The following RIMBP2 variants were observed in gnomAD, a reference collection of about 807,000 sequenced individuals.
The protein encoded by RIMBP2 is RIMS binding protein 2.
In RIMBP2, 48 loss-of-function variants were observed where a neutral mutation model predicts 118.6. The observed-to-expected ratio is 0.40, with a 90% CI of 0.32 to 0.51. The LOEUF is 0.51. Ranked by LOEUF, RIMBP2 falls within the 20% of genes least tolerant of loss-of-function variation. The pLI is 0.41. For synonymous variants in RIMBP2, 762 were observed against 742.9 expected, an observed-to-expected ratio of 1.03 and a Z score of -0.42; for missense variants, 1,551 against 1,768.3, an observed-to-expected ratio of 0.88 and a Z score of 2.20.
chr12:130,655,892 C>T (rs1195996224), intron 1 of RIMBP2, among the ~76,000 whole-genome samples: 1 of 152,190 alleles, frequency 6.6e-6, no homozygotes, highest in African/African-American at 2.4e-5. Context: ...CACCACGCAG[C>T]CCATGGCAGA....
At chr12:130,590,782 A>G (rs894565847) in intron 2 of RIMBP2, among the ~76,000 whole-genome samples, 20 of 152,216 alleles carry the variant, frequency 1.3e-4, no homozygotes, top group African/African-American at 4.8e-4. Context: ...AAAAACTGCC[A>G]GGAAAGCCCA....
Position 130,576,951 on chromosome 12 carries a change from G to A in RIMBP2, c.-217+51371C>T, listed in dbSNP as rs751035998. 6.6e-6 allele frequency among the ~76,000 whole-genome samples: 1 copy of A among 152,212 alleles called. No individual in the cohort carries two copies. On this transcript the variant is annotated intron_variant, in intron 2 of 22. Transcript: ENST00000690449. This position sits in a 1 kb window ranked among gnomAD's most constrained non-coding sequence, Gnocchi z 4.2. Reference sequence around the variant, plus strand: ...AGAGATGGGGACAAAGAGAAGCGAAGGGGATGGCCCAGACCTTCACAGAGG... The same window carrying A: ...AGAGATGGGGACAAAGAGAAGCGAAAGGGATGGCCCAGACCTTCACAGAGG...
chr12:130,677,978 C>T (rs2064578800), intron 1 of RIMBP2, among the ~76,000 whole-genome samples: 1 of 152,264 alleles, frequency 6.6e-6, no homozygotes, highest in Non-Finnish European at 1.5e-5. Context: ...CTCTCTGCAC[C>T]CACCGTGCTC....
intron 2 of RIMBP2, among the ~76,000 whole-genome samples, chr12:130,562,097 A>T (rs2056865391): frequency 6.6e-6 from 1 of 152,200 alleles, no homozygotes; most frequent in African/African-American, 2.4e-5. Context: ...ATCAATTTTT[A>T]AAGTTTAAGT....
chr12:130,552,757 T>C (rs1329445303), intron 2 of RIMBP2, among the ~76,000 whole-genome samples: 2 of 152,112 alleles, frequency 1.3e-5, no homozygotes, highest in Non-Finnish European at 2.9e-5. Flanking sequence ...AAAAGTGAGA[T>C]TGTGTACATC....
intron 11 of RIMBP2, among the ~76,000 whole-genome samples, chr12:130,440,846 G>A (rs1173492281): frequency 2.0e-5 from 3 of 152,188 alleles, no homozygotes; most frequent in South Asian, 2.1e-4. Context: ...CTGACCAAAG[G>A]TTTCATGAAT....
At chr12:130,715,694 G>T (rs910478875) in intron 1 of RIMBP2, among the ~76,000 whole-genome samples, 1 of 152,184 alleles carries the variant, frequency 6.6e-6, no homozygotes, top group African/African-American at 2.4e-5. Context: ...CAGCCTGCGG[G>T]CTTTGTGCAT....
intron 2 of RIMBP2, among the ~76,000 whole-genome samples, chr12:130,626,918 C>T (rs969882074): frequency 5.9e-5 from 9 of 151,868 alleles, no homozygotes; most frequent in Middle Eastern, 3.4e-3. Flanking sequence ...TTCTCCATCA[C>T]GACTACCGCC....
At chr12:130,538,753 T>G (rs2054295407) in intron 2 of RIMBP2, among the ~76,000 whole-genome samples, 1 of 152,168 alleles carries the variant, frequency 6.6e-6, no homozygotes, top group South Asian at 2.1e-4. Flanking sequence ...AAATACAGCC[T>G]GCTTCCCAAC....
chr12:130,580,408 A>T (rs2058389271), intron 2 of RIMBP2, among the ~76,000 whole-genome samples: 1 of 152,084 alleles, frequency 6.6e-6, no homozygotes, highest in Admixed American at 6.5e-5. Flanking sequence ...TCCCCTGCAC[A>T]AGTGCTCTTG....
chr12:130,708,390 A>G (rs1205606921), intron 1 of RIMBP2, among the ~76,000 whole-genome samples: 1 of 152,250 alleles, frequency 6.6e-6, no homozygotes, highest in Non-Finnish European at 1.5e-5. Flanking sequence ...GTTATATCTC[A>G]GTAAAGCAGT....
intron 4 of RIMBP2, among the ~76,000 whole-genome samples, chr12:130,496,104 G>T (rs1207642192): frequency 1.3e-5 from 2 of 152,146 alleles, no homozygotes; most frequent in Non-Finnish European, 2.9e-5. Flanking sequence ...GTTTGGCTGT[G>T]CCCCACCCAA....
chr12:130,627,150 G>A (rs1444054881), intron 2 of RIMBP2, among the ~76,000 whole-genome samples: 1 of 151,806 alleles, frequency 6.6e-6, no homozygotes, highest in Admixed American at 6.6e-5. Flanking sequence ...CCAGGACTAC[G>A]GCTAGCATCA....
At chr12:130,571,300 T>C (rs572620106) in intron 2 of RIMBP2, among the ~76,000 whole-genome samples, 2 of 152,200 alleles carry the variant, frequency 1.3e-5, no homozygotes, top group South Asian at 4.1e-4. Context: ...GGAACCACCC[T>C]GGCAGGTCTA....
rs1002786452 is a variant in RIMBP2, at chr12:130,447,776, T to A, written c.581+2424A>T. ...GGACCCAGGAGCCCTCAGCAAGGCG[T>A]TCCCCACGGCGGAGGCTGCACCAGA... On this transcript the variant is annotated intron_variant, in intron 9 of 22. Coordinates refer to ENST00000690449, the MANE Select transcript of RIMBP2 (RefSeq NM_001393629.1). This position sits in a 1 kb window ranked among gnomAD's most constrained non-coding sequence, Gnocchi z 4.4. 6.6e-6 allele frequency among the ~76,000 whole-genome samples: 1 copy of A among 152,134 alleles called. No homozygotes were observed. The highest frequency in any genetic ancestry group is 1.5e-5 in the Non-Finnish European group (1 of 68,022).
At chr12:130,480,777 T>G (rs1367084986) in intron 4 of RIMBP2, among the ~76,000 whole-genome samples, 2 of 152,148 alleles carry the variant, frequency 1.3e-5, no homozygotes, top group Non-Finnish European at 2.9e-5. Flanking sequence ...ATTTTTGTAT[T>G]TTTAGTAGAT....
At chr12:130,504,173 T>G (rs1245469957) in intron 4 of RIMBP2, among the ~76,000 whole-genome samples, 1 of 152,204 alleles carries the variant, frequency 6.6e-6, no homozygotes, top group Non-Finnish European at 1.5e-5. Flanking sequence ...CTACATCCCG[T>G]TCACAATTCA....
Position 130,442,108 on chromosome 12 carries a change from C to T in RIMBP2, c.1244G>A (p.Arg415Gln), listed in dbSNP as rs748532824. ...GGAGATCTGCGTGATGTTGTCCACC[C>T]GCAGGTGGGAGGGGGCCACCACCAC... ...KDVVVAPSHL[R>Q]VDNITQISAQ... Residue 415 changes from arginine to glutamine, a missense_variant, in exon 11 of 23, where the codon CGG becomes CAG. By Grantham distance (43) the Arg-to-Gln change is conservative (BLOSUM62 1). This residue lies in a region of RIMBP2 where 265 missense variants were observed against 349.5 expected (regional missense o/e 0.76). Transcript: ENST00000690449. The surrounding 1 kb of genome is among the most constrained non-coding windows in gnomAD (Gnocchi z 6.9). The T allele has an allele frequency of 1.4e-5, 23 of 1,614,008 alleles. No homozygotes were observed. Among genetic ancestry groups the T allele is most frequent in the Middle Eastern group, 3.3e-4 (2 of 6,084 alleles).
intron 1 of RIMBP2, among the ~76,000 whole-genome samples, chr12:130,700,183 AT>A (rs1468760490): frequency 6.6e-6 from 1 of 151,740 alleles, no homozygotes; most frequent in Non-Finnish European, 1.5e-5. Context: ...TTTTTAGTTT[AT>A]TTTCTCTCAA....
Sources: gnomAD v4.1 joint callset for allele counts (sites outside exome capture counted in the v4.1 genomes callset) on GRCh38, gnomAD v4.1.1 for gene constraint, gnomAD v4.1.1 regional missense constraint, Gnocchi (gnomAD v3.1) non-coding constraint, MANE v1.5 for transcripts, NCBI Gene and HGNC (gene_info 2026-07-23, HGNC 2026-07-21) for gene names.